The following ERCC6L variants were observed in gnomAD, a reference collection of about 807,000 sequenced individuals.
ERCC6L encodes the protein DNA excision repair protein ERCC-6-like.
Under a neutral mutation model 20.1 loss-of-function variants are expected in ERCC6L, and 7 were observed. That is an observed-to-expected ratio of 0.35 (90% confidence interval 0.20 to 0.65). The LOEUF (loss-of-function observed/expected upper bound fraction) is 0.65. Ranked by LOEUF, ERCC6L falls within the 30% of genes least tolerant of loss-of-function variation. ERCC6L has a pLI of 0.69. For missense variants in ERCC6L, 592 were observed against 892.4 expected (o/e 0.66, Z 4.29); for synonymous variants, 278 against 331.3 (o/e 0.84, Z 1.75).
chrX:72,216,633 CTAGAT>C (rs1162187385), intron 1 of ERCC6L, among the ~76,000 whole-genome samples: 1 of 111,513 alleles, frequency 9.0e-6, no homozygotes, highest in Non-Finnish European at 1.9e-5. Flanking sequence ...TGTGCCTATT[CTAGAT>C]ATTTCATATA....
At chrX:72,215,051 TAGAAA>T (rs1394871444) in intron 1 of ERCC6L, among the ~76,000 whole-genome samples, 1 of 111,916 alleles carries the variant, frequency 8.9e-6, no homozygotes, top group Non-Finnish European at 1.9e-5. Flanking sequence ...GACTCAATAA[TAGAAA>T]AGAACAAACT....
intron 1 of ERCC6L, among the ~76,000 whole-genome samples, chrX:72,223,539 G>A (rs1419632386): frequency 5.6e-5 from 6 of 106,804 alleles, no homozygotes; most frequent in Non-Finnish European, 5.8e-5. Flanking sequence ...ACAGGCATGC[G>A]CCACCCCACC....
At chrX:72,222,339 A>T (rs181205230) in intron 1 of ERCC6L, among the ~76,000 whole-genome samples, 41 of 111,799 alleles carry the variant, frequency 3.7e-4, no homozygotes, top group African/African-American at 1.3e-3. Context: ...ACTCCTGATG[A>T]AAAGGAGAGC....
chrX:72,234,531 TAAAGG>T (rs960192580), intron 1 of ERCC6L, among the ~76,000 whole-genome samples: 8 of 111,375 alleles, frequency 7.2e-5, no homozygotes, highest in Admixed American at 6.7e-4. Context: ...AATTTTGCTG[TAAAGG>T]AAAGAGAAGA....
intron 1 of ERCC6L, 56 bp downstream of exon 1, chrX:72,238,788 C>G (rs1380301480): frequency 1.0e-5 from 11 of 1,104,250 alleles, no homozygotes; most frequent in Non-Finnish European, 1.3e-5. Flanking sequence ...GGGGCCACCC[C>G]ACCTCCACCC....
chrX:72,213,191 GCTGA>G (rs769493553), intron 1 of ERCC6L, among the ~76,000 whole-genome samples: 2 of 111,211 alleles, frequency 1.8e-5, no homozygotes, highest in Non-Finnish European at 3.8e-5. Flanking sequence ...GATTTCCTAG[GCTGA>G]CTAAGAATTC....
intron 1 of ERCC6L, among the ~76,000 whole-genome samples, chrX:72,209,369 T>C (rs763714535): frequency 2.7e-5 from 3 of 112,101 alleles, no homozygotes; most frequent in East Asian, 5.6e-4. Context: ...ACATCTCCAC[T>C]TGAAATCAAA....
rs368349813 is a variant in ERCC6L, at chrX:72,205,879, T to C, written c.2888A>G (p.Asn963Ser). 1.5e-5 allele frequency: 18 copies of C among 1,210,081 alleles called. No individual in the cohort carries two copies. The highest frequency in any genetic ancestry group is 2.0e-5 in the Non-Finnish European group (18 of 895,261). Residue 963 changes from asparagine to serine, a missense_variant, in exon 2 of 2, where the codon AAC becomes AGC. Coordinates refer to ENST00000334463, the MANE Select transcript of ERCC6L (RefSeq NM_017669.4). Reference sequence around the variant, plus strand: ...AGACTGACTGGAAAAATTTTGTCTGTTGTCTGCTGAGTCTTCCAAGAAAAG... The same window carrying C: ...AGACTGACTGGAAAAATTTTGTCTGCTGTCTGCTGAGTCTTCCAAGAAAAG... ...FNLFLEDSAD[N>S]RQNFSSQSLE...
intron 1 of ERCC6L, chrX:72,237,869 C>A (rs1285908889): frequency 8.9e-6 from 1 of 111,933 alleles, no homozygotes; most frequent in African/African-American, 3.2e-5. Flanking sequence ...GGCAGGAGGA[C>A]TGCTTGAGCC....
chrX:72,229,918 C>G lies in ERCC6L; in HGVS notation c.68+8926G>C, dbSNP rs1348335615. Among the ~76,000 whole-genome samples the G allele has an allele frequency of 6.3e-5, 7 of 111,813 alleles. 1 individual carries two copies. Among genetic ancestry groups the G allele is most frequent in the African/African-American group, 1.9e-4 (6 of 30,848 alleles). On this transcript the variant is annotated intron_variant, in intron 1 of 1. Transcript: ENST00000334463. ...ATAAAAGTCCAAGACCTTGGCCAGGCACGGTGGCTCACGCCTGTAATCCCA... is the reference window on the plus strand; with the variant it reads ...ATAAAAGTCCAAGACCTTGGCCAGGGACGGTGGCTCACGCCTGTAATCCCA...
At chrX:72,238,236 G>A (rs1042097710) in intron 1 of ERCC6L, among the ~76,000 whole-genome samples, 1 of 111,738 alleles carries the variant, frequency 8.9e-6, no homozygotes, top group Admixed American at 9.5e-5. Flanking sequence ...CACAATTTAA[G>A]AAAAAATTTA....
chrX:72,226,617 T>G (rs141747729), intron 1 of ERCC6L, among the ~76,000 whole-genome samples: 3,895 of 111,766 alleles, frequency 0.035, 194 homozygotes, highest in African/African-American at 0.12. Flanking sequence ...CAGTTATCCA[T>G]TGCAAAGGAC....
chrX:72,232,939 TA>T lies in ERCC6L; in HGVS notation c.68+5904del, dbSNP rs1231718848. ...GCAACATAGGGAGACCCCATCTCTT[TA>T]AAAAAAAAAACTGATTTGAGCAATA... On this transcript the variant is annotated intron_variant, in intron 1 of 1. Coordinates refer to ENST00000334463, the MANE Select transcript of ERCC6L (RefSeq NM_017669.4). 3.7e-3 allele frequency among the ~76,000 whole-genome samples: 388 copies of T among 104,436 alleles called. 2 individuals carry two copies. Among genetic ancestry groups the T allele is most frequent in the African/African-American group, 0.013 (366 of 28,906 alleles). 90.7% of individuals were successfully genotyped at this position (104,436 alleles called of 115,157 possible).
Position 72,208,083 on chromosome X carries a change from A to C in ERCC6L, c.684T>G (p.Asp228Glu), listed in dbSNP as rs200143714. ...QEFVWDYVIL[D>E]EAHKIKTSST... ...ATGAGGTTTTTATTTTATGTGCTTC[A>C]TCGAGGATGACATAGTCCCACACAA... The change falls in exon 2 of 2, where the codon GAT becomes GAG. Residue 228 changes from aspartate (D) to glutamate (E), a missense_variant. Coordinates refer to ENST00000334463, the MANE Select transcript of ERCC6L (RefSeq NM_017669.4). 3.4e-5 allele frequency: 41 copies of C among 1,210,103 alleles called. No individual in the cohort carries two copies. In the East Asian group the frequency reaches 3.6e-4, roughly 10 times the overall value.
chrX:72,211,699 G>A (rs771361150), intron 1 of ERCC6L, among the ~76,000 whole-genome samples: 3 of 110,449 alleles, frequency 2.7e-5, no homozygotes, highest in East Asian at 5.7e-4. Context: ...CAAGAAGTTC[G>A]CTTCAGCATG....
At position 72,205,971 on chromosome X, in the gene ERCC6L, T is replaced by G. The variant is rs770028893; in HGVS notation, c.2796A>C (p.Gln932His). 35 of 1,210,154 alleles carry G rather than the reference T, an allele frequency of 2.9e-5. No homozygotes were observed. Among genetic ancestry groups the G allele is most frequent in the Non-Finnish European group, 3.7e-5 (33 of 895,059 alleles). ...CCTCTTCCAACTTGGCCTCACTTGC[T>G]TGAGCATCCTGCAGTGCACTATGGG... is the stretch of plus-strand genomic sequence containing the variant. ...SASHSALQDA[Q>H]ASEAKLEEEP... Residue 932 changes from glutamine to histidine, a missense_variant, in exon 2 of 2, where the codon CAA becomes CAC. Gln to His is a conservative substitution (Grantham distance 24, BLOSUM62 0). This residue lies in a region of ERCC6L where 352 missense variants were observed against 402.6 expected (regional missense o/e 0.87). Transcript: ENST00000334463.
At chrX:72,213,535 T>TCACC (rs1340484013) in intron 1 of ERCC6L, among the ~76,000 whole-genome samples, 1 of 111,697 alleles carries the variant, frequency 9.0e-6, no homozygotes, top group African/African-American at 3.3e-5. Context: ...GAGCTTTCGC[T>TCACC]CACCGTCCAC....
chrX:72,230,711 C>G (rs549127322), intron 1 of ERCC6L, among the ~76,000 whole-genome samples: 3 of 112,060 alleles, frequency 2.7e-5, no homozygotes, highest in African/African-American at 9.7e-5. Context: ...GCCTGTAATC[C>G]CAGCACTTTG....
Position 72,206,541 on chromosome X carries a change from C to T in ERCC6L, c.2226G>A (p.Lys742=). 8.3e-7 allele frequency: 1 copy of T among 1,211,575 alleles called. No individual in the cohort carries two copies. The highest frequency in any genetic ancestry group is 2.2e-5 in the Admixed American group (1 of 45,975). Residue 742 remains lysine (K), a synonymous_variant, in exon 2 of 2, where the codon AAG becomes AAA. Coordinates refer to ENST00000334463, the MANE Select transcript of ERCC6L (RefSeq NM_017669.4). Reference sequence around the variant, plus strand: ...GTGGTTTATTCAATTTAGGGCATTTCTTCTTTGTTGAAGAAGGAAATACAG... The same window carrying T: ...GTGGTTTATTCAATTTAGGGCATTTTTTCTTTGTTGAAGAAGGAAATACAG... The part of the protein sequence containing the change: ...REPVFPSSTK[K]KCPKLNKPQP...
Sources: gnomAD v4.1 joint callset for allele counts (sites outside exome capture counted in the v4.1 genomes callset) on GRCh38, gnomAD v4.1.1 for gene constraint, gnomAD v4.1.1 regional missense constraint, MANE v1.5 for transcripts, NCBI Gene and HGNC (gene_info 2026-07-23, HGNC 2026-07-21) for gene names.